Variants in PCDHGA5 observed in about 807,000 individuals in gnomAD.
The protein encoded by PCDHGA5 is protocadherin gamma subfamily A, 5.
Under a neutral mutation model 56.7 loss-of-function variants are expected in PCDHGA5, and 36 were observed. The observed-to-expected ratio is 0.64, with a 90% CI of 0.49 to 0.84. The LOEUF (loss-of-function observed/expected upper bound fraction) is 0.84, where lower values mean the gene tolerates loss of function less well. Among genes scored for constraint, PCDHGA5 ranks in the 40% least tolerant of loss-of-function variants. The probability of loss-of-function intolerance (pLI) is 0.00; values close to 1 mark genes in which losing one functional copy is unlikely to be tolerated. For synonymous variants in PCDHGA5, 563 were observed against 520.2 expected, an observed-to-expected ratio of 1.08 and a Z score of -1.12; for missense variants, 1,305 against 1,201.5, an observed-to-expected ratio of 1.09 and a Z score of -1.27.
intron 1 of PCDHGA5, chr5:141,383,106 A>T (rs760790560): frequency 6.2e-7 from 1 of 1,613,828 alleles, no homozygotes; most frequent in Non-Finnish European, 8.5e-7. Context: ...TCATCTCCAG[A>T]GGTAGGACGC....
chr5:141,499,322 T>C (rs1186220818), intron 2 of PCDHGA5, among the ~76,000 whole-genome samples: 1 of 152,218 alleles, frequency 6.6e-6, no homozygotes, highest in Non-Finnish European at 1.5e-5. Context: ...ACAGTATCCC[T>C]GCTCTCTCTC....
Position 141,485,468 on chromosome 5 carries a change from A to G in PCDHGA5, c.2422-9339A>G. On this transcript the variant is annotated intron_variant, in intron 1 of 3. Coordinates refer to ENST00000518069, the MANE Select transcript of PCDHGA5 (RefSeq NM_018918.3). This position sits in a 1 kb window ranked among gnomAD's most constrained non-coding sequence, Gnocchi z 5.7. The stretch of plus-strand genomic sequence containing the variant: ...CGACCGAGAGGCACTGTGTGGGCTC[A>G]GTGCCAGCTGCATCGTGCCCCTGGA... 1 of 1,614,166 alleles carries G rather than the reference A, an allele frequency of 6.2e-7. No homozygotes were observed. Among genetic ancestry groups the G allele is most frequent in the Non-Finnish European group, 8.5e-7 (1 of 1,180,020 alleles).
intron 1 of PCDHGA5, chr5:141,383,931 T>G: frequency 6.2e-7 from 1 of 1,613,818 alleles, no homozygotes. Flanking sequence ...ATGATAATGC[T>G]CCAGAAGTGA....
rs909255357 is a variant in PCDHGA5 at position 141,489,178 on chromosome 5, C to A, written c.2422-5629C>A. 5 of 1,234,744 alleles carry A rather than the reference C, an allele frequency of 4.0e-6. No individual in the cohort carries two copies. The highest frequency in any genetic ancestry group is 2.3e-5 in the Admixed American group (1 of 42,922). The allele number at this position is 1,234,744 out of a possible 1,614,324, so 76.5% of individuals were successfully genotyped here. Reference sequence around the variant, plus strand: ...GAGACTTCAGCTGCTGCATTCCAAGCCCTGGGTCTACCTTGGAGACAGGAC... The same window carrying A: ...GAGACTTCAGCTGCTGCATTCCAAGACCTGGGTCTACCTTGGAGACAGGAC... On this transcript the variant is annotated intron_variant, in intron 1 of 3. Transcript: ENST00000518069. This position sits in a 1 kb window ranked among gnomAD's most constrained non-coding sequence, Gnocchi z 4.5.
intron 1 of PCDHGA5, chr5:141,414,145 C>T (rs1157390595): frequency 6.3e-7 from 1 of 1,597,566 alleles, no homozygotes; most frequent in Non-Finnish European, 8.5e-7. Context: ...AATAGAAATA[C>T]AAGCAGAAGA....
At chr5:141,440,382 C>T (rs898655247) in intron 1 of PCDHGA5, 2 of 152,178 alleles carry the variant, frequency 1.3e-5, no homozygotes, top group Non-Finnish European at 2.9e-5. Context: ...AGGAGAATCG[C>T]TTGAACCCGA....
rs779317191 is a variant in PCDHGA5, at chr5:141,432,553, C to G, written c.2422-62254C>G. The G allele has an allele frequency of 2.6e-5, 42 of 1,613,748 alleles. No individual in the cohort carries two copies. The highest frequency in any genetic ancestry group is 2.0e-4 in the South Asian group (18 of 91,068). The stretch of plus-strand genomic sequence containing the variant: ...AGGTGGTGGCGGTGGACAGAGACTC[C>G]GGCCAGAACGCCTGGCTGTCCTACC... On this transcript the variant is annotated intron_variant, in intron 1 of 3. Coordinates refer to ENST00000518069, the MANE Select transcript of PCDHGA5 (RefSeq NM_018918.3). The surrounding 1 kb of genome is among the most constrained non-coding windows in gnomAD (Gnocchi z 6.0).
At chr5:141,385,961 C>T (rs1446108095) in intron 1 of PCDHGA5, 2 of 152,166 alleles carry the variant, frequency 1.3e-5, no homozygotes, top group African/African-American at 2.4e-5. Context: ...CACTAAAGGC[C>T]ATCGGACAAA....
At chr5:141,397,224 A>T (rs2093491277) in intron 1 of PCDHGA5, among the ~76,000 whole-genome samples, 1 of 151,376 alleles carries the variant, frequency 6.6e-6, no homozygotes. Context: ...ATTTTGAGAT[A>T]TGAAGAAGAG....
chr5:141,500,433 T>A (rs1398344932), intron 2 of PCDHGA5, among the ~76,000 whole-genome samples: 17 of 151,882 alleles, frequency 1.1e-4, no homozygotes, highest in East Asian at 7.8e-4. Flanking sequence ...ATGGTCTCGA[T>A]CTCCTGACCT....
At chr5:141,376,683 T>TTTTTTTG (rs1483837724) in intron 1 of PCDHGA5, 1 of 803,912 alleles carries the variant, frequency 1.2e-6, no homozygotes, top group African/African-American at 1.9e-5. Context: ...ATCGTTTTTT[T>TTTTTTTG]TTTTTTTTTT....
chr5:141,431,016 C>T lies in PCDHGA5; in HGVS notation c.2422-63791C>T, dbSNP rs755015257. Reference sequence around the variant, plus strand: ...AATCCGCGCAGCGGCAGCTTGGTCACGGCGGGCAGGATAGACCGGGAGGAG... The same window carrying T: ...AATCCGCGCAGCGGCAGCTTGGTCATGGCGGGCAGGATAGACCGGGAGGAG... On this transcript the variant is annotated intron_variant, in intron 1 of 3. Transcript: ENST00000518069. This position sits in a 1 kb window ranked among gnomAD's most constrained non-coding sequence, Gnocchi z 4.8. 3 of 1,613,456 alleles carry T rather than the reference C, an allele frequency of 1.9e-6. No individual in the cohort carries two copies. The highest frequency in any genetic ancestry group is 2.2e-5 in the South Asian group (2 of 91,058).
At position 141,491,067 on chromosome 5, in the gene PCDHGA5, G is replaced by T. The variant is rs752758445; in HGVS notation, c.2422-3740G>T. On this transcript the variant is annotated intron_variant, in intron 1 of 3. Transcript: ENST00000518069. The surrounding 1 kb of genome is among the most constrained non-coding windows in gnomAD (Gnocchi z 6.9). Reference sequence around the variant, plus strand: ...ACAATGCGTGGCTCTCCTACTCACTGTTGCCACAGTCCACAGCCCCAGGAC... The same window carrying T: ...ACAATGCGTGGCTCTCCTACTCACTTTTGCCACAGTCCACAGCCCCAGGAC... 1.2e-6 allele frequency: 2 copies of T among 1,614,200 alleles called. No homozygotes were observed. The highest frequency in any genetic ancestry group is 1.7e-6 in the Non-Finnish European group (2 of 1,180,040).
rs117064561 is a variant in PCDHGA5, at chr5:141,470,737, G to T, written c.2422-24070G>T. Among the ~76,000 whole-genome samples the T allele has an allele frequency of 1.9e-3, 295 of 152,132 alleles. 7 individuals carry two copies. In the East Asian group the frequency reaches 0.046, roughly 24 times the overall value. On this transcript the variant is annotated intron_variant, in intron 1 of 3. Coordinates refer to ENST00000518069, the MANE Select transcript of PCDHGA5 (RefSeq NM_018918.3). ...TTTTGAGTCAGGGTCTTGCTCTGTC[G>T]CCCTGGCTGGAGTGCAGTGGACTCA...
intron 1 of PCDHGA5, among the ~76,000 whole-genome samples, chr5:141,451,134 T>C (rs567790185): frequency 9.9e-5 from 15 of 152,254 alleles, no homozygotes; most frequent in African/African-American, 3.6e-4. Context: ...AGCCTTATGA[T>C]TGTATTTAGA....
At position 141,420,290 on chromosome 5, in the gene PCDHGA5, T is replaced by C. The variant is rs563124810; in HGVS notation, c.2421+53539T>C. 1.3e-5 allele frequency: 19 copies of C among 1,496,908 alleles called. No individual in the cohort carries two copies. The East Asian group carries it at 3.9e-4, about 30-fold the overall frequency. 92.7% of individuals were successfully genotyped at this position (1,496,908 alleles called of 1,614,324 possible). A position where few individuals can be genotyped will look rare whatever the true frequency, so the allele number is the denominator to read the frequency against. ...TCTTAAACAGGTAAGTATTTAAAAA[T>C]GTATTTAATCCTTTTTATATTACAA... On this transcript the variant is annotated intron_variant, in intron 1 of 3. Transcript: ENST00000518069.
intron 1 of PCDHGA5, chr5:141,418,643 C>A (rs188546091): frequency 2.9e-5 from 46 of 1,614,022 alleles, no homozygotes; most frequent in Admixed American, 6.7e-5. Context: ...CACCTCCATC[C>A]TGAGAGTGAA....
rs2095194600 is a variant in PCDHGA5 at position 141,408,919 on chromosome 5, C to T, written c.2421+42168C>T. On this transcript the variant is annotated intron_variant, in intron 1 of 3. Transcript: ENST00000518069. The stretch of plus-strand genomic sequence containing the variant: ...CTGTCAAGGATACCAATGATAACCC[C>T]CCGGTTTTCAGCAGAGACGAATATA... 2.5e-6 allele frequency: 4 copies of T among 1,613,346 alleles called. No individual in the cohort carries two copies. The African/African-American group carries it at 4.0e-5, about 16-fold the overall frequency.
intron 1 of PCDHGA5, chr5:141,379,281 T>G (rs1775489510): frequency 2.6e-5 from 4 of 152,252 alleles, no homozygotes; most frequent in Admixed American, 2.6e-4. Context: ...ATTTATTTAT[T>G]TCAAGTTTCC....
Sources: allele counts gnomAD v4.1 joint callset (sites outside exome capture counted in the v4.1 genomes callset), GRCh38; gene constraint gnomAD v4.1.1; non-coding constraint Gnocchi (gnomAD v3.1); transcripts MANE v1.5; gene names NCBI Gene and HGNC (gene_info 2026-07-23, HGNC 2026-07-21).